Variants in KIAA1328 observed in about 807,000 individuals in gnomAD.
The protein encoded by KIAA1328 is KIAA1328.
A neutral mutation model predicts 68.1 loss-of-function variants in KIAA1328; 52 were observed. That is an observed-to-expected ratio of 0.76 (90% CI 0.61 to 0.96). The LOEUF is 0.96. Ranked by LOEUF, KIAA1328 falls within the 40% of genes least tolerant of loss-of-function variation. The pLI is 0.00. For synonymous variants in KIAA1328, 232 were observed against 239.4 expected (o/e 0.97, Z 0.28); for missense variants, 641 against 677.6 (o/e 0.95, Z 0.60).
intron 5 of KIAA1328, among the ~76,000 whole-genome samples, chr18:36,897,577 T>G (rs1568136842): frequency 6.6e-6 from 1 of 151,964 alleles, no homozygotes; most frequent in African/African-American, 2.4e-5. Context: ...GGGAGAAAAG[T>G]TGACAATAAG....
intron 7 of KIAA1328, among the ~76,000 whole-genome samples, chr18:37,077,535 G>T (rs1332792953): frequency 6.6e-6 from 1 of 151,754 alleles, no homozygotes; most frequent in African/African-American, 2.4e-5. Flanking sequence ...AAAAGAGGAA[G>T]TCAAATTGTC....
At chr18:36,894,329 A>G (rs1431718443) in intron 5 of KIAA1328, among the ~76,000 whole-genome samples, 2 of 152,178 alleles carry the variant, frequency 1.3e-5, no homozygotes, top group Non-Finnish European at 2.9e-5. Flanking sequence ...AGATATGTAG[A>G]ATGTTTAAGC....
chr18:37,177,078 T>C (rs1339374633), intron 9 of KIAA1328, among the ~76,000 whole-genome samples: 1 of 152,244 alleles, frequency 6.6e-6, no homozygotes, highest in East Asian at 1.9e-4. Flanking sequence ...TCAAAAAGTA[T>C]ACTTGCAACA....
intron 9 of KIAA1328, among the ~76,000 whole-genome samples, chr18:37,211,969 C>T (rs1227457133): frequency 1.3e-5 from 2 of 152,180 alleles, no homozygotes; most frequent in Admixed American, 6.5e-5. Flanking sequence ...TATTTTCTCA[C>T]TCAGAGTATC....
chr18:36,949,963 T>A (rs1478483874), intron 5 of KIAA1328, among the ~76,000 whole-genome samples: 1 of 152,268 alleles, frequency 6.6e-6, no homozygotes, highest in African/African-American at 2.4e-5. Context: ...GCTTGTGCTC[T>A]TGCACAGATC....
intron 7 of KIAA1328, among the ~76,000 whole-genome samples, chr18:37,105,869 A>C (rs960931276): frequency 1.5e-5 from 2 of 130,810 alleles, no homozygotes; most frequent in Non-Finnish European, 3.2e-5. Flanking sequence ...GTGAGAAGAG[A>C]TTGCTCCACT....
intron 5 of KIAA1328, among the ~76,000 whole-genome samples, chr18:36,922,221 G>T (rs992067119): frequency 2.4e-4 from 37 of 152,090 alleles, no homozygotes; most frequent in African/African-American, 8.4e-4. Flanking sequence ...GTCTTTGTTT[G>T]CTGTGTCTAG....
chr18:37,140,762 A>G (rs866685818), intron 7 of KIAA1328, among the ~76,000 whole-genome samples: 1 of 152,188 alleles, frequency 6.6e-6, no homozygotes, highest in Non-Finnish European at 1.5e-5. Flanking sequence ...GATGCTAAAT[A>G]AGAATGACAG....
chr18:37,192,212 G>A (rs2059920059), intron 9 of KIAA1328, among the ~76,000 whole-genome samples: 1 of 151,804 alleles, frequency 6.6e-6, no homozygotes. Context: ...GGAGGGGCAA[G>A]GGTGTTTCTT....
intron 9 of KIAA1328, among the ~76,000 whole-genome samples, chr18:37,204,582 A>C (rs1486219147): frequency 2.0e-5 from 3 of 152,224 alleles, no homozygotes; most frequent in African/African-American, 7.2e-5. Flanking sequence ...CTAAAGTCTC[A>C]CATGGCCAAA....
At chr18:36,921,855 C>T (rs1486107326) in intron 5 of KIAA1328, among the ~76,000 whole-genome samples, 1 of 152,116 alleles carries the variant, frequency 6.6e-6, no homozygotes, top group African/African-American at 2.4e-5. Context: ...TCTAAGAACC[C>T]ACCCCTAGTA....
chr18:37,139,737 A>G (rs1371087464), intron 7 of KIAA1328, among the ~76,000 whole-genome samples: 1 of 152,204 alleles, frequency 6.6e-6, no homozygotes, highest in Non-Finnish European at 1.5e-5. Context: ...TATGTCAAAG[A>G]TGAGACTTTT....
chr18:36,956,547 G>GC (rs1241737656), intron 5 of KIAA1328, among the ~76,000 whole-genome samples: 3 of 151,448 alleles, frequency 2.0e-5, no homozygotes, highest in Non-Finnish European at 4.4e-5. Flanking sequence ...AGGAAGTGGG[G>GC]GGGGGGTGCA....
intron 6 of KIAA1328, among the ~76,000 whole-genome samples, chr18:37,049,016 G>A (rs961396238): frequency 2.0e-5 from 3 of 152,118 alleles, no homozygotes; most frequent in Non-Finnish European, 2.9e-5. Flanking sequence ...CAGTATATTG[G>A]AGAGGTGCCA....
chr18:37,005,212 CCT>C (rs1313483505), intron 6 of KIAA1328, among the ~76,000 whole-genome samples: 3 of 151,794 alleles, frequency 2.0e-5, no homozygotes, highest in Admixed American at 6.6e-5. Flanking sequence ...CCAAATTACC[CCT>C]GTTTTCCCCA....
intron 5 of KIAA1328, among the ~76,000 whole-genome samples, chr18:36,926,347 C>A (rs943249920): frequency 1.3e-5 from 2 of 151,776 alleles, no homozygotes; most frequent in African/African-American, 4.8e-5. Context: ...TGGTTTCACT[C>A]ACTTTCTTCC....
intron 5 of KIAA1328, among the ~76,000 whole-genome samples, chr18:36,955,592 G>A (rs1434459185): frequency 2.6e-5 from 4 of 152,002 alleles, no homozygotes; most frequent in Non-Finnish European, 4.4e-5. Context: ...ATAGGCGTGA[G>A]CCACCGCACC....
intron 5 of KIAA1328, among the ~76,000 whole-genome samples, chr18:36,901,526 A>C (rs1049966953): frequency 2.0e-5 from 3 of 152,000 alleles, no homozygotes; most frequent in Non-Finnish European, 4.4e-5. Flanking sequence ...TTGTTTTGAG[A>C]GTTGATTCAG....
intron 6 of KIAA1328, among the ~76,000 whole-genome samples, chr18:37,055,219 A>G (rs1204525689): frequency 2.0e-5 from 3 of 152,180 alleles, no homozygotes; most frequent in Middle Eastern, 3.2e-3. Context: ...TGATATCTAT[A>G]TGTTAAATGA....
Sources: allele counts gnomAD v4.1 joint callset (sites outside exome capture counted in the v4.1 genomes callset), GRCh38; gene constraint gnomAD v4.1.1; transcripts MANE v1.5; gene names NCBI Gene and HGNC (gene_info 2026-07-23, HGNC 2026-07-21).